Variants in ASAP1 observed in about 807,000 individuals in gnomAD.
The protein encoded by ASAP1 is arf-GAP with SH3 domain, ANK repeat and PH domain-containing protein 1.
ASAP1 carries 43 observed loss-of-function variants against 145.2 expected under a neutral mutation model. The ratio of observed to expected loss-of-function variants is 0.30; its 90% CI spans 0.23 to 0.38. The LOEUF (loss-of-function observed/expected upper bound fraction) is 0.38. Among genes scored for constraint, ASAP1 ranks in the 10% least tolerant of loss-of-function variants. ASAP1 has a pLI of 1.00. For missense variants in ASAP1, 1,018 were observed against 1,355.3 expected (o/e 0.75, Z 3.91); for synonymous variants, 546 against 515.5 (o/e 1.06, Z -0.80).
intron 5 of ASAP1, among the ~76,000 whole-genome samples, chr8:130,201,373 T>G (rs1459127996): frequency 6.6e-6 from 1 of 152,212 alleles, no homozygotes; most frequent in African/African-American, 2.4e-5. Flanking sequence ...AAGACTGAAT[T>G]TACTCATAAA....
At chr8:130,381,217 G>A (rs958516643) in intron 2 of ASAP1, among the ~76,000 whole-genome samples, 2 of 151,948 alleles carry the variant, frequency 1.3e-5, no homozygotes, top group African/African-American at 4.8e-5. Context: ...TTTGTAGAGA[G>A]GAGGTCTCAC....
chr8:130,137,688 A>G (rs962007595), intron 13 of ASAP1, among the ~76,000 whole-genome samples: 2 of 152,176 alleles, frequency 1.3e-5, no homozygotes, highest in Admixed American at 1.3e-4. Context: ...ATGAACCCCA[A>G]TATCTGGGGA....
chr8:130,335,267 C>A (rs1187513204), intron 3 of ASAP1, among the ~76,000 whole-genome samples: 1 of 152,160 alleles, frequency 6.6e-6, no homozygotes, highest in Non-Finnish European at 1.5e-5. Flanking sequence ...GATCATGCAA[C>A]AGACCCTCAG....
At chr8:130,112,538 C>T (rs561857204) in intron 23 of ASAP1, 3 of 490,424 alleles carry the variant, frequency 6.1e-6, no homozygotes, top group South Asian at 5.4e-5. Flanking sequence ...AATAATCACA[C>T]TAGTGAAACA....
chr8:130,317,449 A>G (rs1823733302), intron 3 of ASAP1, among the ~76,000 whole-genome samples: 1 of 152,208 alleles, frequency 6.6e-6, no homozygotes, highest in Admixed American at 6.5e-5. Flanking sequence ...CTTAGCTGCT[A>G]ATGAGTTTCT....
intron 2 of ASAP1, among the ~76,000 whole-genome samples, chr8:130,387,262 G>A (rs1828061470): frequency 6.6e-6 from 1 of 152,208 alleles, no homozygotes; most frequent in African/African-American, 2.4e-5. Context: ...TCCGGCGAAA[G>A]TGGTGGCTCA....
intron 2 of ASAP1, chr8:130,360,819 T>C (rs529937409): frequency 2.0e-5 from 3 of 152,254 alleles, no homozygotes; most frequent in Non-Finnish European, 4.4e-5. Flanking sequence ...TGTGCCATAG[T>C]TGACAGAACA....
At chr8:130,256,753 A>ATATCCT (rs1554860183) in intron 3 of ASAP1, among the ~76,000 whole-genome samples, 1 of 67,040 alleles carries the variant, frequency 1.5e-5, no homozygotes, top group Non-Finnish European at 3.0e-5. Context: ...ATATATATAT[A>ATATCCT]TATATATATA....
At position 130,305,369 on chromosome 8, in the gene ASAP1, C is replaced by T. The variant is rs944477272; in HGVS notation, c.186+52648G>A. On this transcript the variant is annotated intron_variant, in intron 3 of 29. Coordinates refer to ENST00000518721, the MANE Select transcript of ASAP1 (RefSeq NM_018482.4). ...AAAGATTCGTTCACTGTTTTTGGAA[C>T]GGACTCTTGCTCTGTTGCCCAGGCT... 3.3e-5 allele frequency among the ~76,000 whole-genome samples: 5 copies of T among 152,308 alleles called. No homozygotes were observed. In the South Asian group the frequency reaches 8.3e-4, roughly 25 times the overall value.
chr8:130,155,428 G>GCGAT (rs1221229811), intron 12 of ASAP1, among the ~76,000 whole-genome samples: 4 of 152,302 alleles, frequency 2.6e-5, no homozygotes, highest in Admixed American at 2.0e-4. Context: ...GTGCAGTGGT[G>GCGAT]CGATCATGGC....
chr8:130,184,421 A>G (rs1284165420), intron 7 of ASAP1, among the ~76,000 whole-genome samples: 4 of 152,226 alleles, frequency 2.6e-5, no homozygotes. Flanking sequence ...TAACAGGATC[A>G]AGAGGGGCAG....
intron 5 of ASAP1, among the ~76,000 whole-genome samples, chr8:130,213,587 G>A (rs1007198184): frequency 2.6e-5 from 4 of 152,160 alleles, no homozygotes; most frequent in Non-Finnish European, 5.9e-5. Flanking sequence ...GGAGGTAAAA[G>A]CACAATACCA....
chr8:130,224,838 T>C (rs1817500085), intron 4 of ASAP1, among the ~76,000 whole-genome samples: 1 of 152,216 alleles, frequency 6.6e-6, no homozygotes, highest in African/African-American at 2.4e-5. Context: ...TGGAAAAATA[T>C]CTTCACAAAA....
intron 2 of ASAP1, among the ~76,000 whole-genome samples, chr8:130,386,121 G>A (rs1444880286): frequency 6.6e-6 from 1 of 152,150 alleles, no homozygotes; most frequent in Non-Finnish European, 1.5e-5. Flanking sequence ...CTTTAGGACC[G>A]ATGCTTCTGG....
chr8:130,125,100 T>C (rs1179451661), intron 17 of ASAP1, among the ~76,000 whole-genome samples: 2 of 152,322 alleles, frequency 1.3e-5, no homozygotes, highest in Admixed American at 6.5e-5. Context: ...AGCTAGACTT[T>C]CAGCTTTTTT....
chr8:130,259,468 C>A (rs1819763657), intron 3 of ASAP1, among the ~76,000 whole-genome samples: 1 of 152,194 alleles, frequency 6.6e-6, no homozygotes, highest in South Asian at 2.1e-4. Flanking sequence ...GATGCAAGGT[C>A]TCTCCTGCTG....
chr8:130,100,683 ACATTAT>A (rs1456829910), intron 24 of ASAP1, among the ~76,000 whole-genome samples: 1 of 152,132 alleles, frequency 6.6e-6, no homozygotes, highest in Admixed American at 6.5e-5. Flanking sequence ...TTTTAAAATC[ACATTAT>A]CATTATTATT....
At chr8:130,299,485 C>T (rs148965594) in intron 3 of ASAP1, among the ~76,000 whole-genome samples, 4,460 of 152,296 alleles carry the variant, frequency 0.029, 99 homozygotes, top group Middle Eastern at 0.061. Flanking sequence ...TGGCACAGTA[C>T]CTTTCTCATC....
chr8:130,429,797 TC>T (rs1262856737), intron 1 of ASAP1, among the ~76,000 whole-genome samples: 2 of 152,210 alleles, frequency 1.3e-5, no homozygotes, highest in Admixed American at 6.5e-5. Context: ...CCATTAAGAT[TC>T]TTTGGGAAAA....
Sources: gnomAD v4.1 joint callset for allele counts (sites outside exome capture counted in the v4.1 genomes callset) on GRCh38, gnomAD v4.1.1 for gene constraint, MANE v1.5 for transcripts, NCBI Gene and HGNC (gene_info 2026-07-23, HGNC 2026-07-21) for gene names.